The following NUSAP1 variants were observed in gnomAD, a reference collection of about 807,000 sequenced individuals.
NUSAP1 encodes the protein nucleolar and spindle-associated protein 1.
In NUSAP1, 32 loss-of-function variants were observed where a neutral mutation model predicts 52.8. The ratio of observed to expected loss-of-function variants is 0.61; its 90% CI spans 0.46 to 0.81. The LOEUF (loss-of-function observed/expected upper bound fraction) is 0.81. Ranked by LOEUF, NUSAP1 falls within the 40% of genes least tolerant of loss-of-function variation. NUSAP1 has a pLI of 0.00. For synonymous variants in NUSAP1, 195 were observed against 183.1 expected, an observed-to-expected ratio of 1.06 and a Z score of -0.52; for missense variants, 499 against 522.3, an observed-to-expected ratio of 0.96 and a Z score of 0.43.
intron 4 of NUSAP1, among the ~76,000 whole-genome samples, 185 bp downstream of exon 4, chr15:41,351,314 C>T (rs552681844): frequency 6.6e-6 from 1 of 152,124 alleles, no homozygotes; most frequent in Non-Finnish European, 1.5e-5. Context: ...TCAGCAGGAC[C>T]ATGCTTCTCT....
chr15:41,369,289 G>A (rs1187795158), intron 7 of NUSAP1, among the ~76,000 whole-genome samples: 4 of 151,924 alleles, frequency 2.6e-5, no homozygotes, highest in Non-Finnish European at 4.4e-5. Flanking sequence ...TTTAAGTTTA[G>A]AATTCTATTT....
intron 1 of NUSAP1, among the ~76,000 whole-genome samples, chr15:41,341,586 G>A (rs2048368877): frequency 6.6e-6 from 1 of 152,070 alleles, no homozygotes; most frequent in African/African-American, 2.4e-5. Context: ...AGAAACGTTG[G>A]CATAACAAAG....
Position 41,365,409 on chromosome 15 carries a change from C to G in NUSAP1, c.668C>G (p.Pro223Arg). The G allele has an allele frequency of 6.2e-7, 1 of 1,604,042 alleles. No individual in the cohort carries two copies. The highest frequency in any genetic ancestry group is 8.5e-7 in the Non-Finnish European group (1 of 1,173,688). Residue 223 changes from proline (P) to arginine (R), a missense_variant, in exon 7 of 11, where the codon CCC becomes CGC. Coordinates refer to ENST00000559596, the MANE Select transcript of NUSAP1 (RefSeq NM_016359.5). ...HNSMNELKQQ[P>R]INKGGVRTPV... is the part of the protein sequence containing the mutation. ...GATGCATTTTCTCTTCAGCAGCAGCCCATCAATAAGGGAGGGGTCAGGACT... is the reference window on the plus strand; with the variant it reads ...GATGCATTTTCTCTTCAGCAGCAGCGCATCAATAAGGGAGGGGTCAGGACT...
intron 2 of NUSAP1, among the ~76,000 whole-genome samples, chr15:41,342,761 C>G (rs1283005259): frequency 1.1e-4 from 16 of 152,110 alleles, no homozygotes. Flanking sequence ...ATTGCTTGAA[C>G]CCGGGAGGTG....
intron 6 of NUSAP1, among the ~76,000 whole-genome samples, chr15:41,359,139 T>C (rs909597453): frequency 6.6e-6 from 1 of 152,202 alleles, no homozygotes; most frequent in Non-Finnish European, 1.5e-5. Flanking sequence ...TATGGATTTA[T>C]GTATTTTTCT....
intron 4 of NUSAP1, among the ~76,000 whole-genome samples, chr15:41,354,239 G>A (rs1396275500): frequency 1.3e-5 from 2 of 152,162 alleles, no homozygotes; most frequent in African/African-American, 2.4e-5. Context: ...AGGCGCAGTG[G>A]CTTACGCTTG....
intron 5 of NUSAP1, 28 bp downstream of exon 5, chr15:41,356,168 A>T: frequency 7.7e-7 from 1 of 1,295,152 alleles, no homozygotes; most frequent in Non-Finnish European, 1.1e-6. Flanking sequence ...AGCCATAATA[A>T]GTAATGGTTG....
Position 41,349,142 on chromosome 15 carries a change from A to G in NUSAP1, c.207A>G (p.Ile69Met), listed in dbSNP as rs2048689983. The G allele has an allele frequency of 6.2e-7, 1 of 1,613,824 alleles. No homozygotes were observed. Among genetic ancestry groups the G allele is most frequent in the African/African-American group, 1.3e-5 (1 of 74,942 alleles). ...CATCCTCTTGTGATGAGACTGAGAT[A>G]CAGATCAGCAACCAGGAAGAAGCTG... ...TSASSCDETE[I>M]QISNQEEAER... is the part of the protein sequence containing the mutation. The change falls in exon 3 of 11, where the codon ATA (isoleucine) becomes ATG (methionine). Residue 69 changes from isoleucine to methionine, a missense_variant. Ile to Met is a conservative substitution (Grantham distance 10). Transcript: ENST00000559596.
intron 4 of NUSAP1, among the ~76,000 whole-genome samples, chr15:41,353,840 C>T (rs949400706): frequency 3.9e-5 from 6 of 152,128 alleles, no homozygotes; most frequent in Non-Finnish European, 7.4e-5. Context: ...CCCTCTTATG[C>T]ACCCTACACT....
chr15:41,339,395 C>T (rs952293378), intron 1 of NUSAP1, among the ~76,000 whole-genome samples: 1 of 150,230 alleles, frequency 6.7e-6, no homozygotes, highest in Non-Finnish European at 1.5e-5. Context: ...GTGTTTATTA[C>T]ATTACTTCGA....
In NUSAP1 at chr15:41,380,503, C is replaced by G. The variant is rs2050167986; in HGVS notation, c.*317C>G. On this transcript the variant is annotated 3_prime_UTR_variant, in exon 11 of 11. Transcript: ENST00000559596. ...TTCCCCCTGCTGGTTCTAATATTAA[C>G]AGAACTGCAGTCTTCTGCTAGCCAA... 1 of 217,476 alleles carries G rather than the reference C, an allele frequency of 4.6e-6. No individual in the cohort carries two copies. Among genetic ancestry groups the G allele is most frequent in the African/African-American group, 2.4e-5 (1 of 42,500 alleles). The allele number at this position is 217,476 out of a possible 1,614,324, so 13.5% of individuals were successfully genotyped here. A position where few individuals can be genotyped will look rare whatever the true frequency, so the allele number is the denominator to read the frequency against.
At chr15:41,379,230 A>T (rs1166466633) in intron 10 of NUSAP1, among the ~76,000 whole-genome samples, 2 of 152,078 alleles carry the variant, frequency 1.3e-5, no homozygotes, top group Admixed American at 1.3e-4. Flanking sequence ...CTGGGATTAC[A>T]GGCGTGAGCT....
At chr15:41,342,353 C>G (rs1567042056) in intron 1 of NUSAP1, 33 bp from the exon 2 acceptor site, 2 of 1,422,746 alleles carry the variant, frequency 1.4e-6, no homozygotes, top group Non-Finnish European at 1.9e-6. Flanking sequence ...GTTTATTTGA[C>G]TTTTGGCTCT....
intron 5 of NUSAP1, among the ~76,000 whole-genome samples, chr15:41,357,793 C>T (rs1271736008): frequency 2.6e-5 from 4 of 152,042 alleles, no homozygotes; most frequent in Non-Finnish European, 4.4e-5. Context: ...ATTTGTCAGT[C>T]CTTGACATAC....
In NUSAP1 at chr15:41,350,985, T is replaced by A. The variant is rs375265995; in HGVS notation, c.307-3T>A. On this transcript the variant is annotated splice_polypyrimidine_tract_variant and splice_region_variant and intron_variant, in intron 3 of 10. Coordinates refer to ENST00000559596, the MANE Select transcript of NUSAP1 (RefSeq NM_016359.5). ...ATCTTTTATTTCCTTTTTAAATTTG[T>A]AGCAGAATCATTCAGAGATAAAAAT... The A allele has an allele frequency of 1.9e-6, 3 of 1,597,356 alleles. No homozygotes were observed. The African/African-American group carries it at 4.1e-5, about 22-fold the overall frequency.
intron 2 of NUSAP1, chr15:41,345,379 C>T: frequency 2.7e-6 from 1 of 373,408 alleles, no homozygotes; most frequent in Non-Finnish European, 5.1e-6. Context: ...AACCCCTGCT[C>T]CTTTTTTAGC....
intron 6 of NUSAP1, among the ~76,000 whole-genome samples, chr15:41,361,187 G>A (rs2049162447): frequency 6.6e-6 from 1 of 151,436 alleles, no homozygotes; most frequent in South Asian, 2.1e-4. Context: ...TGAGGTCAGG[G>A]GTTTGAGACC....
intron 5 of NUSAP1, among the ~76,000 whole-genome samples, chr15:41,357,109 T>G (rs2049002355): frequency 6.6e-6 from 1 of 152,136 alleles, no homozygotes; most frequent in Non-Finnish European, 1.5e-5. Context: ...TTCTCACACC[T>G]GTAATCCCAG....
In NUSAP1 at chr15:41,358,150, C is replaced by T; in HGVS notation, c.552C>T (p.Asn184=). Residue 184 remains asparagine, a splice_region_variant and synonymous_variant, in exon 6 of 11, where the codon AAC becomes AAT. Coordinates refer to ENST00000559596, the MANE Select transcript of NUSAP1 (RefSeq NM_016359.5). ...KNKRTAITTP[N]FKKLHEAHFK... is the part of the protein sequence containing the mutation. The stretch of plus-strand genomic sequence containing the variant: ...AATTTTTATATTGGAACATTCTAGA[C>T]TTTAAGAAGCTTCATGAAGCTCATT... The T allele has an allele frequency of 7.1e-7, 1 of 1,399,128 alleles. No homozygotes were observed. Among genetic ancestry groups the T allele is most frequent in the Non-Finnish European group, 1.0e-6 (1 of 1,002,414 alleles). 86.7% of individuals were successfully genotyped at this position (1,399,128 alleles called of 1,614,324 possible).
Sources: gnomAD v4.1 joint callset for allele counts (sites outside exome capture counted in the v4.1 genomes callset) on GRCh38, gnomAD v4.1.1 for gene constraint, MANE v1.5 for transcripts, NCBI Gene and HGNC (gene_info 2026-07-23, HGNC 2026-07-21) for gene names.